The following PPHLN1 variants were observed in gnomAD, a reference collection of about 807,000 sequenced individuals.
The protein encoded by PPHLN1 is periphilin-1.
Under a neutral mutation model 51.3 loss-of-function variants are expected in PPHLN1, and 29 were observed. The ratio of observed to expected loss-of-function variants is 0.57; its 90% confidence interval spans 0.42 to 0.77. The LOEUF is 0.77. Among genes scored for constraint, PPHLN1 ranks in the 30% least tolerant of loss-of-function variants. The probability of loss-of-function intolerance (pLI) is 0.00; values close to 1 mark genes in which losing one functional copy is unlikely to be tolerated. For synonymous variants in PPHLN1, 147 were observed against 147.8 expected (o/e 0.99, Z 0.04); for missense variants, 436 against 438.4 (o/e 0.99, Z 0.05).
intron 4 of PPHLN1, chr12:42,361,252 A>C (rs1430864941): frequency 6.6e-6 from 1 of 152,344 alleles, no homozygotes; most frequent in Non-Finnish European, 1.5e-5. Context: ...ACCAAGAAGA[A>C]AGTCCTCACT....
intron 9 of PPHLN1, among the ~76,000 whole-genome samples, chr12:42,418,447 T>C (rs2080670461): frequency 6.6e-6 from 1 of 152,096 alleles, no homozygotes; most frequent in Admixed American, 6.5e-5. Flanking sequence ...GGTTTCCCAT[T>C]ATACTTAGAA....
chr12:42,335,803 G>A, intron 1 of PPHLN1, 80 bp from the exon 2 acceptor site: 4 of 596,560 alleles, frequency 6.7e-6, no homozygotes, highest in Non-Finnish European at 1.0e-5. Context: ...TATTTGTGTT[G>A]GAAAGTAATC....
rs142027658 is a variant in PPHLN1, at chr12:42,412,633, G to GATAGAT, written c.909+13643_909+13648dup. Reference sequence around the variant, plus strand: ...TGATATAATGACTCCTTTTCCTTTGGATAGATATACAGTAGTAGGATTGCT... The same window carrying GATAGAT: ...TGATATAATGACTCCTTTTCCTTTGGATAGATATAGATATACAGTAGTAGGATTGCT... On this transcript the variant is annotated intron_variant, in intron 9 of 9. Coordinates refer to ENST00000358314, the MANE Select transcript of PPHLN1 (RefSeq NM_201439.2). Among the ~76,000 whole-genome samples the GATAGAT allele has an allele frequency of 6.4e-3, 966 of 151,970 alleles. 29 individuals are homozygous for GATAGAT. The East Asian group carries it at 0.069, about 11-fold the overall frequency.
intron 9 of PPHLN1, among the ~76,000 whole-genome samples, chr12:42,422,019 G>C (rs565977802): frequency 6.6e-6 from 1 of 152,276 alleles, no homozygotes; most frequent in African/African-American, 2.4e-5. Context: ...GTATTGGTTA[G>C]GTCTGTGCTA....
At chr12:42,418,492 C>T (rs2080674962) in intron 9 of PPHLN1, among the ~76,000 whole-genome samples, 1 of 152,050 alleles carries the variant, frequency 6.6e-6, no homozygotes, top group Admixed American at 6.6e-5. Flanking sequence ...GCTATAGAGA[C>T]CTGCTAACAC....
At chr12:42,336,300 C>T (rs761319574) in intron 2 of PPHLN1, among the ~76,000 whole-genome samples, 5 of 152,170 alleles carry the variant, frequency 3.3e-5, no homozygotes, top group Admixed American at 6.5e-5. Context: ...CCTGCTCCTG[C>T]TGTTATTGGC....
chr12:42,376,999 A>G (rs2076323252), intron 5 of PPHLN1, among the ~76,000 whole-genome samples: 1 of 152,170 alleles, frequency 6.6e-6, no homozygotes. Flanking sequence ...CTGTAAGCCA[A>G]GCTTGTCCAA....
rs7303532 is a variant in PPHLN1, at chr12:42,430,039, C to G, written c.910-11276C>G. On this transcript the variant is annotated intron_variant, in intron 9 of 9. Coordinates refer to ENST00000358314, the MANE Select transcript of PPHLN1 (RefSeq NM_201439.2). ...TGTATGTGAATGAGGTAACCAATGG[C>G]CGGGGGAGCTCCTGGATAGCCTCTG... is the stretch of plus-strand genomic sequence containing the variant. 9.1e-3 allele frequency among the ~76,000 whole-genome samples: 1,389 copies of G among 152,212 alleles called. 22 individuals carry two copies. Among genetic ancestry groups the G allele is most frequent in the African/African-American group, 0.031 (1,293 of 41,522 alleles).
At chr12:42,432,028 C>A in intron 9 of PPHLN1, 1 of 1,542,066 alleles carries the variant, frequency 6.5e-7, no homozygotes, top group South Asian at 1.1e-5. Context: ...CTGTCTGGAT[C>A]TTTGGGCACA....
intron 7 of PPHLN1, among the ~76,000 whole-genome samples, chr12:42,391,067 A>T (rs373788797): frequency 6.6e-6 from 1 of 152,160 alleles, no homozygotes; most frequent in South Asian, 2.1e-4. Flanking sequence ...GCCCAAGGTC[A>T]CATGGTAGCT....
intron 7 of PPHLN1, 120 bp downstream of exon 7, chr12:42,387,655 C>T: frequency 1.5e-6 from 2 of 1,349,748 alleles, no homozygotes; most frequent in Non-Finnish European, 9.7e-7. Flanking sequence ...CATTTAAAAA[C>T]TTAAATTTTT....
At chr12:42,444,376 T>C (rs2083179956), downstream of PPHLN1, 1 of 149,580 alleles carries the variant, frequency 6.7e-6, no homozygotes, top group Non-Finnish European at 1.5e-5. Flanking sequence ...CCTAGGTATT[T>C]AACCCCCACA....
intron 9 of PPHLN1, among the ~76,000 whole-genome samples, chr12:42,418,721 C>T (rs544801987): frequency 5.3e-5 from 8 of 152,308 alleles, no homozygotes; most frequent in South Asian, 2.1e-4. Flanking sequence ...AGTAGTTCTC[C>T]ATCATTGAAC....
chr12:42,404,973 G>A (rs1255720041), intron 9 of PPHLN1, among the ~76,000 whole-genome samples: 1 of 152,214 alleles, frequency 6.6e-6, no homozygotes, highest in Non-Finnish European at 1.5e-5. Flanking sequence ...GTTGCAGTGA[G>A]CCAAGATCAT....
chr12:42,409,033 GTAAAA>G (rs1303059089), intron 9 of PPHLN1, among the ~76,000 whole-genome samples: 3 of 152,106 alleles, frequency 2.0e-5, no homozygotes, highest in African/African-American at 7.2e-5. Context: ...ACAACAATAA[GTAAAA>G]TAAAATAGAA....
rs73272054 is a variant in PPHLN1, at chr12:42,407,522, C to G, written c.909+8528C>G. On this transcript the variant is annotated intron_variant, in intron 9 of 9. Transcript: ENST00000358314. ...TACCATCACTTCTGCCTTGTTCTGTCCATTAGAAGTGAGTCACTAAGCCCA... is the reference window on the plus strand; with the variant it reads ...TACCATCACTTCTGCCTTGTTCTGTGCATTAGAAGTGAGTCACTAAGCCCA... 9.1e-3 allele frequency among the ~76,000 whole-genome samples: 1,386 copies of G among 152,234 alleles called. 22 individuals are homozygous for G. The highest frequency in any genetic ancestry group is 0.031 in the African/African-American group (1,290 of 41,528).
intron 4 of PPHLN1, among the ~76,000 whole-genome samples, chr12:42,356,260 T>G (rs1320639725): frequency 6.6e-6 from 1 of 152,196 alleles, no homozygotes; most frequent in East Asian, 1.9e-4. Context: ...AGACAGATTT[T>G]TATTCACAGC....
intron 4 of PPHLN1, among the ~76,000 whole-genome samples, chr12:42,373,323 T>A (rs2075970810): frequency 6.6e-6 from 1 of 152,234 alleles, no homozygotes; most frequent in Non-Finnish European, 1.5e-5. Flanking sequence ...AATGCTCTAT[T>A]TCATTATTAG....
chr12:42,381,364 A>G (rs555516795), intron 5 of PPHLN1, among the ~76,000 whole-genome samples: 2 of 152,338 alleles, frequency 1.3e-5, no homozygotes, highest in South Asian at 2.1e-4. Context: ...GACTTAGTAT[A>G]TTCTGTCAGT....
Sources: gnomAD v4.1 joint callset for allele counts (sites outside exome capture counted in the v4.1 genomes callset) on GRCh38, gnomAD v4.1.1 for gene constraint, MANE v1.5 for transcripts, NCBI Gene and HGNC (gene_info 2026-07-23, HGNC 2026-07-21) for gene names.